DCLK1: variants seen among roughly 807,000 people sequenced by gnomAD.
The protein encoded by DCLK1 is doublecortin like kinase 1.
In DCLK1, 16 loss-of-function variants were observed where a neutral mutation model predicts 86.2. That is an observed-to-expected ratio of 0.19 (90% CI 0.13 to 0.28). The LOEUF (loss-of-function observed/expected upper bound fraction) is 0.28, where lower values mean the gene tolerates loss of function less well. Among genes scored for constraint, DCLK1 ranks in the 10% least tolerant of loss-of-function variants. The pLI is 1.00. For synonymous variants in DCLK1, 369 were observed against 370.5 expected, an observed-to-expected ratio of 1.00 and a Z score of 0.05; for missense variants, 590 against 940.2, an observed-to-expected ratio of 0.63 and a Z score of 4.87.
intron 3 of DCLK1, among the ~76,000 whole-genome samples, chr13:36,020,763 T>C (rs1881743168): frequency 6.6e-6 from 1 of 152,080 alleles, no homozygotes; most frequent in African/African-American, 2.4e-5. Context: ...CTAAATATTC[T>C]ATATCCAGCT....
At chr13:35,895,287 T>TAAA (rs71196594) in intron 4 of DCLK1, among the ~76,000 whole-genome samples, 1 of 140,344 alleles carries the variant, frequency 7.1e-6, no homozygotes, top group African/African-American at 2.5e-5. Context: ...ACAGGAAAGG[T>TAAA]AAAAAAAAAA....
chr13:35,927,476 G>A (rs1218213505), intron 4 of DCLK1, among the ~76,000 whole-genome samples: 1 of 152,184 alleles, frequency 6.6e-6, no homozygotes, highest in African/African-American at 2.4e-5. Context: ...TCTCTGATAA[G>A]TTCATTGTTT....
intron 3 of DCLK1, among the ~76,000 whole-genome samples, chr13:36,084,375 G>A (rs541936611): frequency 4.6e-5 from 7 of 152,192 alleles, no homozygotes; most frequent in East Asian, 1.9e-4. Flanking sequence ...TACAATCACC[G>A]GGCACACAAG....
chr13:35,805,880 A>C, intron 14 of DCLK1, 101 bp from the exon 15 acceptor site: 6 of 1,038,228 alleles, frequency 5.8e-6, no homozygotes, highest in Admixed American at 2.7e-5. Flanking sequence ...AAGCATTTGT[A>C]AAAGCTCTAA....
intron 3 of DCLK1, among the ~76,000 whole-genome samples, chr13:35,984,693 G>C (rs1383611025): frequency 6.6e-6 from 1 of 152,118 alleles, no homozygotes; most frequent in East Asian, 1.9e-4. Flanking sequence ...TTCCATTTTT[G>C]TTTGCCCTTT....
rs1219905727 is a variant in DCLK1 at position 36,012,472 on chromosome 13, A to C, written c.724-65015T>G. Among the ~76,000 whole-genome samples the C allele has an allele frequency of 9.1e-4, 136 of 148,984 alleles. No homozygotes were observed. The South Asian group carries it at 9.7e-3, about 11-fold the overall frequency. ...TGCTTGTCTGTAAAGTATTTTATTT[A>C]TCCTTCACTTATGAAGCTTAGTTTG... On this transcript the variant is annotated intron_variant, in intron 3 of 16. Coordinates refer to ENST00000360631, the MANE Select transcript of DCLK1 (RefSeq NM_001330071.2).
intron 3 of DCLK1, among the ~76,000 whole-genome samples, chr13:36,109,889 G>A (rs948990001): frequency 6.6e-6 from 1 of 152,112 alleles, no homozygotes. Flanking sequence ...AAACAACTGA[G>A]AACATCATAC....
chr13:35,780,942 A>G (rs1454013133), intron 16 of DCLK1, among the ~76,000 whole-genome samples: 2 of 152,260 alleles, frequency 1.3e-5, no homozygotes. Context: ...CCCATAAAGG[A>G]TACATCTACT....
In DCLK1 at chr13:35,971,125, C is replaced by T. The variant is rs7998162; in HGVS notation, c.724-23668G>A. On this transcript the variant is annotated intron_variant, in intron 3 of 16. Coordinates refer to ENST00000360631, the MANE Select transcript of DCLK1 (RefSeq NM_001330071.2). ...GCTCTTTAGCACTGTATAGCTCAAA[C>T]AACCAACTGAAGTTATAAGATTTCC... Among the ~76,000 whole-genome samples the T allele has an allele frequency of 7.6e-3, 1,162 of 152,264 alleles. 9 individuals carry two copies. The highest frequency in any genetic ancestry group is 0.027 in the African/African-American group (1,102 of 41,560).
Position 35,951,296 on chromosome 13 carries a change from TG to T in DCLK1, c.724-3840del, listed in dbSNP as rs1877666716. 2.6e-5 allele frequency among the ~76,000 whole-genome samples: 4 copies of T among 151,412 alleles called. No individual in the cohort carries two copies. The Admixed American group carries it at 2.6e-4, about 10-fold the overall frequency. ...ATGGATGGATGGATGGATGGATGGA[TG>T]GATGGATGGATGGATGGATGATATG... On this transcript the variant is annotated intron_variant, in intron 3 of 16. Coordinates refer to ENST00000360631, the MANE Select transcript of DCLK1 (RefSeq NM_001330071.2).
At chr13:35,958,382 C>A (rs1293486430) in intron 3 of DCLK1, among the ~76,000 whole-genome samples, 2 of 124,802 alleles carry the variant, frequency 1.6e-5, no homozygotes, top group Non-Finnish European at 3.6e-5. Context: ...CTATAACCAC[C>A]ACTACCACCA....
At chr13:36,060,575 G>T (rs887520960) in intron 3 of DCLK1, among the ~76,000 whole-genome samples, 25 of 152,104 alleles carry the variant, frequency 1.6e-4, no homozygotes, top group African/African-American at 5.6e-4. Context: ...TAGCGTGTGT[G>T]TTGACTGGCA....
chr13:36,058,541 G>A lies in DCLK1; in HGVS notation c.723+53328C>T, dbSNP rs187147772. 3.3e-3 allele frequency among the ~76,000 whole-genome samples: 505 copies of A among 152,302 alleles called. 1 individual carries two copies. The highest frequency in any genetic ancestry group is 0.012 in the African/African-American group (480 of 41,572). ...TGAAGCAATTCTAGATATAGGCTGAGAACAAGGTGAGGATCTTAGAGGTCC... is the reference window on the plus strand; with the variant it reads ...TGAAGCAATTCTAGATATAGGCTGAAAACAAGGTGAGGATCTTAGAGGTCC... On this transcript the variant is annotated intron_variant, in intron 3 of 16. Coordinates refer to ENST00000360631, the MANE Select transcript of DCLK1 (RefSeq NM_001330071.2).
chr13:35,970,214 T>C (rs1878998150), intron 3 of DCLK1, among the ~76,000 whole-genome samples: 1 of 152,156 alleles, frequency 6.6e-6, no homozygotes. Context: ...ATTAAAGAAT[T>C]GTTTTCCATT....
intron 4 of DCLK1, among the ~76,000 whole-genome samples, chr13:35,886,068 G>A (rs1873216093): frequency 1.4e-5 from 2 of 147,708 alleles, no homozygotes; most frequent in South Asian, 4.3e-4. Context: ...CTGGAGTGCA[G>A]TGGTGCAATC....
At chr13:36,077,438 T>C (rs1047811264) in intron 3 of DCLK1, among the ~76,000 whole-genome samples, 1 of 152,142 alleles carries the variant, frequency 6.6e-6, no homozygotes, top group Non-Finnish European at 1.5e-5. Context: ...CAGAGGCAGT[T>C]TGGCAATTTT....
chr13:35,902,152 A>G (rs750109924), intron 4 of DCLK1, among the ~76,000 whole-genome samples: 61 of 152,234 alleles, frequency 4.0e-4, no homozygotes, highest in Non-Finnish European at 7.3e-4. Context: ...AATGAGCCCT[A>G]TTGAACTCAT....
chr13:35,836,843 T>C (rs1869420840), intron 7 of DCLK1, among the ~76,000 whole-genome samples: 1 of 152,224 alleles, frequency 6.6e-6, no homozygotes, highest in South Asian at 2.1e-4. Flanking sequence ...TGAAATATTT[T>C]ACAAATGCCT....
chr13:35,798,503 GT>G (rs2086857083), intron 15 of DCLK1, among the ~76,000 whole-genome samples: 1 of 152,126 alleles, frequency 6.6e-6, no homozygotes, highest in Non-Finnish European at 1.5e-5. Flanking sequence ...TTCAATAGCA[GT>G]TCCGCTGCAC....
Sources: gnomAD v4.1 joint callset for allele counts (sites outside exome capture counted in the v4.1 genomes callset) on GRCh38, gnomAD v4.1.1 for gene constraint, MANE v1.5 for transcripts, NCBI Gene and HGNC (gene_info 2026-07-23, HGNC 2026-07-21) for gene names.